Variants in NT5DC1 observed in about 807,000 individuals in gnomAD.
NT5DC1 encodes 5'-nucleotidase domain-containing protein 1.
NT5DC1 carries 42 observed loss-of-function variants against 59.4 expected under a neutral mutation model. The observed-to-expected ratio is 0.71, with a 90% confidence interval of 0.55 to 0.92. The LOEUF (loss-of-function observed/expected upper bound fraction) is 0.92. Among genes scored for constraint, NT5DC1 ranks in the 40% least tolerant of loss-of-function variants. The probability of loss-of-function intolerance (pLI) is 0.00; values close to 1 mark genes in which losing one functional copy is unlikely to be tolerated. For missense variants in NT5DC1, 501 were observed against 537.1 expected (o/e 0.93, Z 0.66); for synonymous variants, 172 against 188.1 (o/e 0.91, Z 0.70).
intron 6 of NT5DC1, among the ~76,000 whole-genome samples, chr6:116,206,346 A>G (rs192725392): frequency 5.3e-5 from 8 of 152,112 alleles, no homozygotes; most frequent in East Asian, 1.9e-4. Context: ...AATTCACACA[A>G]TTACCTAATG....
chr6:116,148,189 A>G (rs866798393), intron 6 of NT5DC1, among the ~76,000 whole-genome samples: 31 of 152,320 alleles, frequency 2.0e-4, no homozygotes, highest in South Asian at 8.3e-4. Flanking sequence ...TAGTGCTTGC[A>G]TCTTGAGAGG....
chr6:116,236,471 T>A (rs1345379332), intron 8 of NT5DC1, among the ~76,000 whole-genome samples: 2 of 152,206 alleles, frequency 1.3e-5, no homozygotes, highest in East Asian at 3.9e-4. Context: ...AGTCCTTTCA[T>A]TCCCCACCCA....
chr6:116,162,083 T>A (rs1780348421), intron 6 of NT5DC1, among the ~76,000 whole-genome samples: 1 of 152,196 alleles, frequency 6.6e-6, no homozygotes, highest in Non-Finnish European at 1.5e-5. Context: ...TGCTTGACCA[T>A]TGTTGGTGTA....
At chr6:116,158,447 CTT>C (rs1042854218) in intron 6 of NT5DC1, among the ~76,000 whole-genome samples, 6 of 152,042 alleles carry the variant, frequency 3.9e-5, no homozygotes, top group African/African-American at 1.4e-4. Context: ...AAGATAAAAA[CTT>C]AGCAATCTTA....
At position 116,244,915 on chromosome 6, in the gene NT5DC1, G is replaced by C. The variant is rs1173678596; in HGVS notation, c.*891G>C. Reference sequence around the variant, plus strand: ...ACATTCTCAATTGGGGACAAAAATTGGTTCTTGGGGTGAAAAAATATTAGA... The same window carrying C: ...ACATTCTCAATTGGGGACAAAAATTCGTTCTTGGGGTGAAAAAATATTAGA... On this transcript the variant is annotated 3_prime_UTR_variant, in exon 12 of 12. Transcript: ENST00000319550. The C allele has an allele frequency of 6.6e-6, 1 of 152,028 alleles. No homozygotes were observed. The highest frequency in any genetic ancestry group is 1.9e-4 in the East Asian group (1 of 5,200). 9.4% of individuals were successfully genotyped at this position (152,028 alleles called of 1,614,324 possible).
At chr6:116,146,437 C>A (rs1045912726) in intron 6 of NT5DC1, among the ~76,000 whole-genome samples, 4 of 152,118 alleles carry the variant, frequency 2.6e-5, no homozygotes, top group African/African-American at 7.2e-5. Context: ...AAGTAAATAA[C>A]TGGAGTTGCT....
chr6:116,150,266 GT>G (rs201650607), intron 6 of NT5DC1, among the ~76,000 whole-genome samples: 30 of 149,202 alleles, frequency 2.0e-4, no homozygotes, highest in African/African-American at 5.4e-4. Context: ...TAAGAAAATG[GT>G]TTTTTTTTTA....
At chr6:116,127,733 A>G (rs989853665) in intron 6 of NT5DC1, among the ~76,000 whole-genome samples, 19 of 152,152 alleles carry the variant, frequency 1.2e-4, no homozygotes, top group African/African-American at 3.4e-4. Context: ...TTGTGTGTAT[A>G]TATGGTGATA....
chr6:116,212,310 CAG>C (rs1401119611), intron 6 of NT5DC1, among the ~76,000 whole-genome samples: 1 of 151,930 alleles, frequency 6.6e-6, no homozygotes, highest in Non-Finnish European at 1.5e-5. Context: ...TAGTGAAAAA[CAG>C]AGTAGTGCCT....
chr6:116,116,637 G>A (rs1430706400), intron 5 of NT5DC1, among the ~76,000 whole-genome samples: 1 of 151,950 alleles, frequency 6.6e-6, no homozygotes, highest in Non-Finnish European at 1.5e-5. Context: ...GCAAGACTGC[G>A]TCTCAAAATA....
chr6:116,169,006 T>TAATAAAC (rs1780545238), intron 6 of NT5DC1, among the ~76,000 whole-genome samples: 1 of 151,434 alleles, frequency 6.6e-6, no homozygotes, highest in Non-Finnish European at 1.5e-5. Flanking sequence ...CCCTGGAGAG[T>TAATAAAC]TTATTAGCCT....
intron 6 of NT5DC1, among the ~76,000 whole-genome samples, chr6:116,145,164 C>A (rs1012410094): frequency 2.0e-5 from 3 of 152,132 alleles, no homozygotes; most frequent in African/African-American, 2.4e-5. Flanking sequence ...CTCTCCTCCT[C>A]ACTCTGCAGT....
At chr6:116,105,917 G>A (rs1207386981) in intron 1 of NT5DC1, among the ~76,000 whole-genome samples, 2 of 152,122 alleles carry the variant, frequency 1.3e-5, no homozygotes, top group East Asian at 1.9e-4. Context: ...TATCATCTTA[G>A]TGATGTATTA....
chr6:116,221,232 A>G lies in NT5DC1; in HGVS notation c.704+4A>G. On this transcript the variant is annotated splice_donor_region_variant and intron_variant, in intron 7 of 11. Transcript: ENST00000319550. ...TTCTCTGCGAATATATTCTTGGGTG[A>G]GTGATGAGTCATTCAGTTTTCATTG... 1 of 1,542,414 alleles carries G rather than the reference A, an allele frequency of 6.5e-7. No individual in the cohort carries two copies.
intron 6 of NT5DC1, among the ~76,000 whole-genome samples, chr6:116,216,642 T>C (rs1261562356): frequency 6.6e-6 from 1 of 151,904 alleles, no homozygotes; most frequent in Non-Finnish European, 1.5e-5. Context: ...CTAGATTTAT[T>C]TATTTAATTA....
chr6:116,242,504 G>A (rs1296247673), intron 11 of NT5DC1, among the ~76,000 whole-genome samples: 3 of 150,788 alleles, frequency 2.0e-5, no homozygotes, highest in Admixed American at 6.6e-5. Flanking sequence ...AAGAGAGAGA[G>A]AGAGTGGCTG....
rs185778741 is a variant in NT5DC1, at chr6:116,245,964, T to G, written c.*1940T>G. ...AGTTTAGTTTATTTCTAAATTTCCT[T>G]CCTTTCTAGCAGTCAGTATTTCTTC... On this transcript the variant is annotated 3_prime_UTR_variant, in exon 12 of 12. Transcript: ENST00000319550. 1 of 152,266 alleles carries G rather than the reference T, an allele frequency of 6.6e-6. No homozygotes were observed. Among genetic ancestry groups the G allele is most frequent in the Non-Finnish European group, 1.5e-5 (1 of 67,982 alleles). The allele number at this position is 152,266 out of a possible 1,614,324, so 9.4% of individuals were successfully genotyped here.
At chr6:116,161,437 G>T (rs1023257318) in intron 6 of NT5DC1, among the ~76,000 whole-genome samples, 1 of 152,032 alleles carries the variant, frequency 6.6e-6, no homozygotes, top group African/African-American at 2.4e-5. Flanking sequence ...TAGGGGTCCA[G>T]TTTTATTCTT....
At chr6:116,216,755 T>C (rs1338958975) in intron 6 of NT5DC1, among the ~76,000 whole-genome samples, 1 of 152,130 alleles carries the variant, frequency 6.6e-6, no homozygotes, top group African/African-American at 2.4e-5. Flanking sequence ...ACAAAATAAA[T>C]TTATCTCTTT....
Sources: gnomAD v4.1 joint callset for allele counts (sites outside exome capture counted in the v4.1 genomes callset) on GRCh38, gnomAD v4.1.1 for gene constraint, MANE v1.5 for transcripts, NCBI Gene and HGNC (gene_info 2026-07-23, HGNC 2026-07-21) for gene names.